FAM120B: variants seen among roughly 807,000 people sequenced by gnomAD.
FAM120B encodes the protein family with sequence similarity 120 member B, also known as constitutive coactivator of peroxisome proliferator-activated receptor gamma.
FAM120B carries 83 observed loss-of-function variants against 96.3 expected under a neutral mutation model. The ratio of observed to expected loss-of-function variants is 0.86; its 90% confidence interval spans 0.72 to 1.03. The LOEUF (loss-of-function observed/expected upper bound fraction) is 1.03. FAM120B is among the 50% of genes least tolerant of loss of function. FAM120B has a pLI of 0.00. For missense variants in FAM120B, 1,027 were observed against 1,121.2 expected (o/e 0.92, Z 1.20); for synonymous variants, 407 against 402.7 (o/e 1.01, Z -0.13).
rs538730136 is a variant in FAM120B at position 170,396,907 on chromosome 6, T to G, written c.2692+1328T>G. Among the ~76,000 whole-genome samples, 3 of 152,378 alleles carry G rather than the reference T, an allele frequency of 2.0e-5. No individual in the cohort carries two copies. The East Asian group carries it at 5.8e-4, about 29-fold the overall frequency. On this transcript the variant is annotated intron_variant, in intron 9 of 10. Transcript: ENST00000476287. ...AGACTCAGACTGAAGCCTGGTGCTT[T>G]GGGCCATTGCCGCTGCCCTAGGCGA...
At chr6:170,376,241 A>T (rs981790344) in intron 6 of FAM120B, among the ~76,000 whole-genome samples, 11 of 152,112 alleles carry the variant, frequency 7.2e-5, no homozygotes, top group Admixed American at 1.3e-4. Context: ...CAGCTTTGTG[A>T]GGACTGTGTA....
chr6:170,388,239 T>G (rs754595637), intron 6 of FAM120B, 48 bp from the exon 7 acceptor site: 13 of 1,531,532 alleles, frequency 8.5e-6, no homozygotes, highest in Non-Finnish European at 9.9e-6. Flanking sequence ...GTTTCCTGCA[T>G]GTGTGACTCC....
At chr6:170,387,020 C>G (rs926511421) in intron 6 of FAM120B, among the ~76,000 whole-genome samples, 10 of 152,154 alleles carry the variant, frequency 6.6e-5, no homozygotes, top group Admixed American at 6.5e-4. Context: ...AATTCAGTAC[C>G]TGTTCATGGC....
intron 9 of FAM120B, among the ~76,000 whole-genome samples, chr6:170,400,401 C>T (rs1778498405): frequency 6.6e-6 from 1 of 152,132 alleles, no homozygotes; most frequent in Non-Finnish European, 1.5e-5. Flanking sequence ...GGTACTGACT[C>T]CTCTGGGAAT....
chr6:170,326,566 A>G (rs1445353205), intron 3 of FAM120B, among the ~76,000 whole-genome samples: 1 of 152,154 alleles, frequency 6.6e-6, no homozygotes, highest in African/African-American at 2.4e-5. Flanking sequence ...GTCAGATAAT[A>G]ATAAATATTG....
intron 6 of FAM120B, among the ~76,000 whole-genome samples, chr6:170,361,258 G>A (rs113456908): frequency 0.32 from 35,361 of 111,878 alleles, 6,844 homozygotes; most frequent in East Asian, 0.91. Flanking sequence ...ATATATACGT[G>A]TATATATATA....
intron 1 of FAM120B, among the ~76,000 whole-genome samples, chr6:170,315,730 A>C (rs1035128286): frequency 6.6e-6 from 1 of 152,160 alleles, no homozygotes; most frequent in Non-Finnish European, 1.5e-5. Context: ...AATCCCATTA[A>C]TGTGGCTATT....
At chr6:170,329,405 C>T (rs1277024660) in intron 3 of FAM120B, among the ~76,000 whole-genome samples, 1 of 152,198 alleles carries the variant, frequency 6.6e-6, no homozygotes, top group Non-Finnish European at 1.5e-5. Context: ...ACCATTTCTT[C>T]AGTTCTAGTG....
intron 7 of FAM120B, among the ~76,000 whole-genome samples, chr6:170,389,092 A>G (rs1790347932): frequency 6.6e-6 from 1 of 152,178 alleles, no homozygotes; most frequent in South Asian, 2.1e-4. Flanking sequence ...TTGCTGCCTC[A>G]GGCGTGGCAG....
In FAM120B at chr6:170,295,478, A is replaced by C. The variant is rs1286258360; in HGVS notation, c.48+25A>C. ...GGTGAGCGCCGCCCGCGTGCACACA[A>C]GGCGCGCGGCCCCCAGGCAGCCGCG... On this transcript the variant is annotated intron_variant, in intron 1 of 10. Transcript: ENST00000537664. This position sits in a 1 kb window ranked among gnomAD's most constrained non-coding sequence, Gnocchi z 7.8. 1 of 697,238 alleles carries C rather than the reference A, an allele frequency of 1.4e-6. No individual in the cohort carries two copies. The highest frequency in any genetic ancestry group is 2.0e-5 in the Admixed American group (1 of 49,640). The allele number at this position is 697,238 out of a possible 1,614,324, so 43.2% of individuals were successfully genotyped here. A position where few individuals can be genotyped will look rare whatever the true frequency, so the allele number is the denominator to read the frequency against.
At position 170,331,519 on chromosome 6, in the gene FAM120B, CATAATT is replaced by C. The variant is rs1296226705; in HGVS notation, c.2017+971_2017+976del. Among the ~76,000 whole-genome samples the C allele has an allele frequency of 2.6e-5, 4 of 152,082 alleles. 1 individual carries two copies. The East Asian group carries it at 7.7e-4, about 29-fold the overall frequency. ...ACCTTAAAAGTACTTACCAGAGAAA[CATAATT>C]AGAATGCATTGACATTTGTTTTTGC... On this transcript the variant is annotated intron_variant, in intron 4 of 10. Transcript: ENST00000476287.
upstream of FAM120B, among the ~76,000 whole-genome samples, chr6:170,302,803 G>A (rs964802387): frequency 1.3e-5 from 2 of 152,180 alleles, no homozygotes; most frequent in African/African-American, 4.8e-5. Context: ...GTGCTTGCCT[G>A]AGCTATGAAG....
chr6:170,352,183 A>G (rs909793325), intron 5 of FAM120B, among the ~76,000 whole-genome samples: 2 of 152,240 alleles, frequency 1.3e-5, no homozygotes, highest in Admixed American at 1.3e-4. Context: ...AAGATTTAAA[A>G]AAGACAAGAG....
intron 6 of FAM120B, among the ~76,000 whole-genome samples, chr6:170,364,820 G>A (rs1332350240): frequency 2.0e-5 from 3 of 152,184 alleles, no homozygotes; most frequent in African/African-American, 4.8e-5. Context: ...TAACTGTGGT[G>A]GCGTTTTCAT....
chr6:170,307,334 T>TG (rs1183536047), intron 1 of FAM120B, among the ~76,000 whole-genome samples: 1 of 152,262 alleles, frequency 6.6e-6, no homozygotes, highest in Admixed American at 6.5e-5. Context: ...CCCCAGCTCT[T>TG]GGGGGAAAGA....
intron 9 of FAM120B, among the ~76,000 whole-genome samples, chr6:170,396,267 A>G (rs1778156932): frequency 1.3e-5 from 2 of 152,168 alleles, no homozygotes; most frequent in Admixed American, 1.3e-4. Flanking sequence ...ATTATTCCCT[A>G]AAACACAGCA....
intron 9 of FAM120B, among the ~76,000 whole-genome samples, chr6:170,398,799 A>G (rs1004694446): frequency 7.9e-5 from 12 of 150,990 alleles, no homozygotes; most frequent in African/African-American, 2.9e-4. Context: ...AGGTAGAACT[A>G]TGTCATAACT....
upstream of FAM120B, among the ~76,000 whole-genome samples, chr6:170,302,789 G>A (rs554690699): frequency 2.6e-5 from 4 of 152,188 alleles, no homozygotes; most frequent in Non-Finnish European, 5.9e-5. Flanking sequence ...CAGAGCACAG[G>A]GAAGTGCTTG....
chr6:170,375,321 G>T (rs1221727929), intron 6 of FAM120B, among the ~76,000 whole-genome samples: 2 of 152,162 alleles, frequency 1.3e-5, no homozygotes, highest in Middle Eastern at 3.2e-3. Flanking sequence ...ATTCCTTCAG[G>T]GTGGAAACTG....
Sources: allele counts gnomAD v4.1 joint callset (sites outside exome capture counted in the v4.1 genomes callset), GRCh38; gene constraint gnomAD v4.1.1; non-coding constraint Gnocchi (gnomAD v3.1); transcripts MANE v1.5; gene names NCBI Gene and HGNC (gene_info 2026-07-23, HGNC 2026-07-21).